Variants in PSMD11 observed in about 807,000 individuals in gnomAD.
PSMD11 encodes the protein proteasome 26S subunit, non-ATPase 11, also known as 26S proteasome non-ATPase regulatory subunit 11.
In PSMD11, 5 loss-of-function variants were observed where a neutral mutation model predicts 62.3. That is an observed-to-expected ratio of 0.08 (90% CI 0.04 to 0.17). The LOEUF (loss-of-function observed/expected upper bound fraction) is 0.17, where lower values mean the gene tolerates loss of function less well. Among genes scored for constraint, PSMD11 ranks in the 10% least tolerant of loss-of-function variants. The pLI, the probability that PSMD11 is intolerant of heterozygous loss-of-function variation, is 1.00. For missense variants in PSMD11, 310 were observed against 512.9 expected, an observed-to-expected ratio of 0.60 and a Z score of 3.82; for synonymous variants, 191 against 191.8, an observed-to-expected ratio of 1.00 and a Z score of 0.03.
At chr17:32,454,197 C>T (rs1907584020) in intron 2 of PSMD11, among the ~76,000 whole-genome samples, 1 of 152,180 alleles carries the variant, frequency 6.6e-6, no homozygotes, top group African/African-American at 2.4e-5. Flanking sequence ...ATTATGAATA[C>T]TTTGCTGTTT....
chr17:32,459,220 A>G (rs749061860), intron 3 of PSMD11, among the ~76,000 whole-genome samples: 9 of 147,946 alleles, frequency 6.1e-5, no homozygotes, highest in Non-Finnish European at 7.4e-5. Context: ...CTGCATACCT[A>G]TTTGTCAAAG....
intron 3 of PSMD11, among the ~76,000 whole-genome samples, chr17:32,458,326 C>T (rs1207475813): frequency 1.3e-5 from 2 of 152,136 alleles, no homozygotes; most frequent in African/African-American, 2.4e-5. Context: ...CAACCTACTG[C>T]AGTAGTCTAA....
chr17:32,446,876 G>A, intron 1 of PSMD11, 69 bp from the exon 2 acceptor site: 1 of 1,009,930 alleles, frequency 9.9e-7, no homozygotes, highest in Non-Finnish European at 1.5e-6. Context: ...GATCTTATGA[G>A]GGTGAAATTT....
chr17:32,452,490 AG>A (rs1169471150), intron 2 of PSMD11, among the ~76,000 whole-genome samples: 3 of 152,346 alleles, frequency 2.0e-5, no homozygotes, highest in African/African-American at 7.2e-5. Flanking sequence ...CCATTTCAGA[AG>A]GGATGCTTAT....
At chr17:32,467,817 T>A (rs1187405166) in intron 5 of PSMD11, among the ~76,000 whole-genome samples, 1 of 152,212 alleles carries the variant, frequency 6.6e-6, no homozygotes, top group Non-Finnish European at 1.5e-5. Flanking sequence ...TTCTTTTTTT[T>A]AAGTTTGTTT....
At chr17:32,449,479 T>G (rs931229431) in intron 2 of PSMD11, among the ~76,000 whole-genome samples, 1 of 152,190 alleles carries the variant, frequency 6.6e-6, no homozygotes, top group African/African-American at 2.4e-5. Context: ...GAACAGTGTG[T>G]GGTATATAGT....
intron 2 of PSMD11, among the ~76,000 whole-genome samples, chr17:32,451,837 C>T (rs1158167062): frequency 6.6e-6 from 1 of 152,172 alleles, no homozygotes; most frequent in Non-Finnish European, 1.5e-5. Flanking sequence ...CTCCTGGGCT[C>T]AAGCAGTGCT....
chr17:32,445,359 G>C (rs1295557127), intron 1 of PSMD11: 1 of 152,264 alleles, frequency 6.6e-6, no homozygotes, highest in Non-Finnish European at 1.5e-5. Context: ...AGTGAGTTAA[G>C]GGAGTTAGTT....
At chr17:32,463,929 AC>A in intron 3 of PSMD11, 119 bp from the exon 4 acceptor site, 1 of 909,050 alleles carries the variant, frequency 1.1e-6, no homozygotes, top group East Asian at 2.5e-5. Context: ...TGTGGATCAG[AC>A]ACTAAATAGA....
intron 8 of PSMD11, 124 bp from the exon 9 acceptor site, chr17:32,477,397 C>G (rs148421783): frequency 4.1e-6 from 3 of 723,298 alleles, no homozygotes; most frequent in Non-Finnish European, 6.3e-6. Flanking sequence ...TGAAGAAGAA[C>G]GATGGTGGGG....
rs1908510236 is a variant in PSMD11, at chr17:32,482,033, C to T, written c.*1281C>T. On this transcript the variant is annotated 3_prime_UTR_variant, in exon 14 of 14. Coordinates refer to ENST00000261712, the MANE Select transcript of PSMD11 (RefSeq NM_002815.4). ...TGAACTGTATTTTCTTCTCTCATCTCCTCTTTGTCTTTTTCTCTTTTCCTC... is the reference window on the plus strand; with the variant it reads ...TGAACTGTATTTTCTTCTCTCATCTTCTCTTTGTCTTTTTCTCTTTTCCTC... The T allele has an allele frequency of 6.6e-6, 1 of 152,066 alleles. No individual in the cohort carries two copies. The highest frequency in any genetic ancestry group is 1.5e-5 in the Non-Finnish European group (1 of 68,024). The allele number at this position is 152,066 out of a possible 1,614,324, so 9.4% of individuals were successfully genotyped here. A position where few individuals can be genotyped will look rare whatever the true frequency, so the allele number is the denominator to read the frequency against.
Position 32,477,545 on chromosome 17 carries a change from C to T in PSMD11, c.874C>T (p.Gln292Ter). 1.2e-6 allele frequency: 2 copies of T among 1,608,918 alleles called. No homozygotes were observed. The highest frequency in any genetic ancestry group is 1.3e-5 in the African/African-American group (1 of 74,886). Residue 292 changes from glutamine (Q) to a stop codon, truncating the protein, a stop_gained, in exon 9 of 14, where the codon CAG becomes TAG. Transcript: ENST00000261712. LOFTEE classifies it high-confidence loss of function. ...RQTEALKCVAQASKNRSLADF... is the reference protein window; with the variant it reads ...RQTEALKCVA ...GACAGAAGCATTAAAATGCGTGGCT[C>T]AGGCTAGCAAGAACAGATCACTGGC...
rs569216801 is a variant in PSMD11 at position 32,481,250 on chromosome 17, G to T, written c.*498G>T. The stretch of plus-strand genomic sequence containing the variant: ...TTTTTTATTTGAAATGAGGCATTTT[G>T]GTGTTCTTTCCCCTACCATACGGCC... On this transcript the variant is annotated 3_prime_UTR_variant, in exon 14 of 14. Coordinates refer to ENST00000261712, the MANE Select transcript of PSMD11 (RefSeq NM_002815.4). 1.9e-4 allele frequency: 29 copies of T among 154,144 alleles called. No homozygotes were observed. The highest frequency in any genetic ancestry group is 3.5e-4 in the Non-Finnish European group (24 of 68,512). The allele number at this position is 154,144 out of a possible 1,614,324, so 9.5% of individuals were successfully genotyped here. A position where few individuals can be genotyped will look rare whatever the true frequency, so the allele number is the denominator to read the frequency against.
chr17:32,459,115 C>CATATAT (rs10595066), intron 3 of PSMD11, among the ~76,000 whole-genome samples: 21,734 of 111,412 alleles, frequency 0.2, 2,563 homozygotes, highest in Non-Finnish European at 0.26. Context: ...AAAAAAAATA[C>CATATAT]ATATATATAT....
Position 32,458,174 on chromosome 17 carries a change from C to G in PSMD11, c.318+3555C>G, listed in dbSNP as rs902991776. ...CTTGGACTACTGTAAAAGCCTCATT[C>G]CATCATTGTCAGAGATACCTTACCA... On this transcript the variant is annotated intron_variant, in intron 3 of 13. Transcript: ENST00000261712. Among the ~76,000 whole-genome samples, 6 of 152,234 alleles carry G rather than the reference C, an allele frequency of 3.9e-5. No homozygotes were observed. The East Asian group carries it at 5.8e-4, about 15-fold the overall frequency.
At chr17:32,461,103 A>G (rs1567854292) in intron 3 of PSMD11, among the ~76,000 whole-genome samples, 1 of 151,872 alleles carries the variant, frequency 6.6e-6, no homozygotes, top group Admixed American at 6.6e-5. Flanking sequence ...TTTGAGACGG[A>G]GTCTCGCACC....
At chr17:32,447,252 C>T (rs1334321173) in intron 2 of PSMD11, 1 of 487,062 alleles carries the variant, frequency 2.1e-6, no homozygotes, top group African/African-American at 2.0e-5. Flanking sequence ...GAGAGACAAT[C>T]TTATTTTTGT....
intron 2 of PSMD11, among the ~76,000 whole-genome samples, chr17:32,449,801 G>C (rs1479680729): frequency 6.6e-6 from 1 of 152,142 alleles, no homozygotes; most frequent in African/African-American, 2.4e-5. Context: ...TTGCTCCTGA[G>C]AACAGAAAAT....
chr17:32,477,568 G>T lies in PSMD11; in HGVS notation c.897G>T (p.Leu299=). 1 of 1,611,636 alleles carries T rather than the reference G, an allele frequency of 6.2e-7. No homozygotes were observed. The highest frequency in any genetic ancestry group is 8.5e-7 in the Non-Finnish European group (1 of 1,178,398). ...CVAQASKNRS[L]ADFEKALTDY... is the part of the protein sequence containing the mutation. ...CTCAGGCTAGCAAGAACAGATCACT[G>T]GCAGATTTTGAAAAGGTGAGTATGA... is the stretch of plus-strand genomic sequence containing the variant. Residue 299 remains leucine, a synonymous_variant, in exon 9 of 14, where the codon CTG becomes CTT. Coordinates refer to ENST00000261712, the MANE Select transcript of PSMD11 (RefSeq NM_002815.4).
Sources: gnomAD v4.1 joint callset for allele counts (sites outside exome capture counted in the v4.1 genomes callset) on GRCh38, gnomAD v4.1.1 for gene constraint, MANE v1.5 for transcripts, NCBI Gene and HGNC (gene_info 2026-07-23, HGNC 2026-07-21) for gene names.